PPARGC1A: variants seen among roughly 807,000 people sequenced by gnomAD.
PPARGC1A encodes PPARG coactivator 1 alpha, also known as peroxisome proliferator-activated receptor gamma coactivator 1-alpha.
PPARGC1A carries 25 observed loss-of-function variants against 88.7 expected under a neutral mutation model. The observed-to-expected ratio is 0.28, with a 90% CI of 0.21 to 0.39. The LOEUF (loss-of-function observed/expected upper bound fraction) is 0.39, where lower values mean the gene tolerates loss of function less well. Ranked by LOEUF, PPARGC1A falls within the 10% of genes least tolerant of loss-of-function variation. The probability of loss-of-function intolerance (pLI) is 1.00; values close to 1 mark genes in which losing one functional copy is unlikely to be tolerated. For synonymous variants in PPARGC1A, 363 were observed against 355.6 expected (o/e 1.02, Z -0.24); for missense variants, 880 against 968.7 (o/e 0.91, Z 1.22).
chr4:24,219,679 G>A, the PPARGC1A span, among the ~76,000 whole-genome samples: 1 of 152,146 alleles, frequency 6.6e-6, no homozygotes, highest in Non-Finnish European at 1.5e-5. Flanking sequence ...GGACGCTTCT[G>A]GTACTAGTCA....
At chr4:24,285,029 A>G in the PPARGC1A span, among the ~76,000 whole-genome samples, 9 of 151,296 alleles carry the variant, frequency 5.9e-5, no homozygotes, top group African/African-American at 1.7e-4. Context: ...CTGTCTCAAA[A>G]AAAAGTAAAA....
At chr4:23,939,229 C>A in the PPARGC1A span, among the ~76,000 whole-genome samples, 112,910 of 149,990 alleles carry the variant, frequency 0.75, 42,850 homozygotes, top group Non-Finnish European at 0.84. Flanking sequence ...CATATCAAAC[C>A]CCCCCCCAAA....
At chr4:23,974,304 A>G in the PPARGC1A span, among the ~76,000 whole-genome samples, 1 of 152,172 alleles carries the variant, frequency 6.6e-6, no homozygotes, top group African/African-American at 2.4e-5. Flanking sequence ...AATAATACCA[A>G]TAAGAGTAAC....
At chr4:23,816,845 GTCTT>G (rs1560361798) in intron 7 of PPARGC1A, among the ~76,000 whole-genome samples, 1 of 152,106 alleles carries the variant, frequency 6.6e-6, no homozygotes, top group Non-Finnish European at 1.5e-5. Flanking sequence ...ATTATGTCTT[GTCTT>G]TCCAAATCAG....
the PPARGC1A span, among the ~76,000 whole-genome samples, chr4:24,139,809 T>G: frequency 6.6e-6 from 1 of 152,146 alleles, no homozygotes; most frequent in African/African-American, 2.4e-5. Context: ...AAGTGCTCAT[T>G]TGTGAGCTTA....
Position 23,828,617 on chromosome 4 carries a change from G to T in PPARGC1A, c.553-13C>A, listed in dbSNP as rs1724435888. The T allele has an allele frequency of 6.2e-7, 1 of 1,612,804 alleles. No individual in the cohort carries two copies. Among genetic ancestry groups the T allele is most frequent in the South Asian group, 1.1e-5 (1 of 91,030 alleles). On this transcript the variant is annotated splice_polypyrimidine_tract_variant and intron_variant, in intron 4 of 12. Coordinates refer to ENST00000264867, the MANE Select transcript of PPARGC1A (RefSeq NM_013261.5). ...ATGAATTCTCAGTCTTAAAAACAAG[G>T]CATAAAGAAAGCTAAAATTAGTGAA...
rs149752388 is a variant in PPARGC1A at position 23,852,416 on chromosome 4, C to T, written c.235-20665G>A. On this transcript the variant is annotated intron_variant, in intron 2 of 12. Transcript: ENST00000264867. ...CAGAGAGGCTGCTCTCCTCAGATTT[C>T]CACTGTCTCCACCCCTACAGCCCTG... is the stretch of plus-strand genomic sequence containing the variant. Among the ~76,000 whole-genome samples, 883 of 151,256 alleles carry T rather than the reference C, an allele frequency of 5.8e-3. 6 individuals are homozygous for T. The highest frequency in any genetic ancestry group is 0.02 in the African/African-American group (824 of 41,492).
chr4:24,288,246 G>A, the PPARGC1A span, among the ~76,000 whole-genome samples: 1 of 152,160 alleles, frequency 6.6e-6, no homozygotes, highest in Non-Finnish European at 1.5e-5. Context: ...TCTCCCAGGG[G>A]CAAAGAGCTT....
the PPARGC1A span, among the ~76,000 whole-genome samples, chr4:24,360,710 G>A: frequency 6.6e-6 from 1 of 152,168 alleles, no homozygotes; most frequent in Non-Finnish European, 1.5e-5. Flanking sequence ...GATTCTGCCT[G>A]AGAGCTCAGT....
chr4:23,859,942 C>T (rs149264621), intron 2 of PPARGC1A, among the ~76,000 whole-genome samples: 220 of 151,910 alleles, frequency 1.4e-3, no homozygotes, highest in Non-Finnish European at 2.8e-3. Flanking sequence ...GAATGGGGAC[C>T]TGAAAAAGGG....
chr4:24,040,824 T>C, the PPARGC1A span, among the ~76,000 whole-genome samples: 1 of 152,202 alleles, frequency 6.6e-6, no homozygotes, highest in Admixed American at 6.5e-5. Context: ...CTCCTTTCCT[T>C]AAACGTTTTC....
intron 2 of PPARGC1A, among the ~76,000 whole-genome samples, chr4:23,847,450 T>G (rs1728517066): frequency 6.6e-6 from 1 of 152,138 alleles, no homozygotes; most frequent in South Asian, 2.1e-4. Flanking sequence ...TCTTAAGTCA[T>G]GAAATCTCTT....
At chr4:24,311,040 AGAAT>A in the PPARGC1A span, among the ~76,000 whole-genome samples, 1 of 151,558 alleles carries the variant, frequency 6.6e-6, no homozygotes, top group Admixed American at 6.6e-5. Flanking sequence ...AACTAAAATG[AGAAT>A]ATTAAGATAT....
At chr4:24,193,546 C>T in the PPARGC1A span, among the ~76,000 whole-genome samples, 1 of 152,252 alleles carries the variant, frequency 6.6e-6, no homozygotes, top group South Asian at 2.1e-4. Flanking sequence ...ATCTGAAAAT[C>T]TGACTGAAAG....
At chr4:23,951,112 C>T in the PPARGC1A span, among the ~76,000 whole-genome samples, 2 of 152,202 alleles carry the variant, frequency 1.3e-5, no homozygotes, top group South Asian at 2.1e-4. Context: ...GAATTAGACC[C>T]TCTCTCTGAC....
the PPARGC1A span, among the ~76,000 whole-genome samples, chr4:24,229,152 C>CTTTTATTTTTTTTTTTTTTTTT: frequency 1.6e-5 from 1 of 60,894 alleles, no homozygotes; most frequent in Non-Finnish European, 3.1e-5. Flanking sequence ...GTATCTGGAC[C>CTTTTATTTTTTTTTTTTTTTTT]TTTTTTTTTT....
the PPARGC1A span, among the ~76,000 whole-genome samples, chr4:24,141,557 A>C: frequency 6.6e-6 from 1 of 152,236 alleles, no homozygotes; most frequent in Non-Finnish European, 1.5e-5. Flanking sequence ...ATTGCTTATC[A>C]AGCAAAAGCA....
At chr4:24,249,774 G>A in the PPARGC1A span, among the ~76,000 whole-genome samples, 1 of 152,102 alleles carries the variant, frequency 6.6e-6, no homozygotes, top group African/African-American at 2.4e-5. Flanking sequence ...GTGTGACTTT[G>A]GTTAAACTAT....
At chr4:24,101,764 T>C in the PPARGC1A span, among the ~76,000 whole-genome samples, 579 of 152,364 alleles carry the variant, frequency 3.8e-3, no homozygotes, top group Non-Finnish European at 6.0e-3. Flanking sequence ...AGTAAACAGA[T>C]GCAAAGTCAT....
Sources: gnomAD v4.1 joint callset for allele counts (sites outside exome capture counted in the v4.1 genomes callset) on GRCh38, gnomAD v4.1.1 for gene constraint, MANE v1.5 for transcripts, NCBI Gene and HGNC (gene_info 2026-07-23, HGNC 2026-07-21) for gene names.